The following ODAD2 variants were observed in gnomAD, a reference collection of about 807,000 sequenced individuals.
The protein encoded by ODAD2 is outer dynein arm docking complex subunit 2.
In ODAD2, 89 loss-of-function variants were observed where a neutral mutation model predicts 106.8. The ratio of observed to expected loss-of-function variants is 0.83; its 90% CI spans 0.70 to 0.99. The LOEUF is 0.99. ODAD2 is among the 50% of genes least tolerant of loss of function. The pLI is 0.00. For missense variants in ODAD2, 1,168 were observed against 1,238.5 expected (o/e 0.94, Z 0.85); for synonymous variants, 404 against 436.2 (o/e 0.93, Z 0.92).
intron 19 of ODAD2, among the ~76,000 whole-genome samples, chr10:27,818,594 C>T (rs1221056247): frequency 1.3e-5 from 2 of 152,152 alleles, no homozygotes; most frequent in Non-Finnish European, 2.9e-5. Context: ...GCTTGATTTC[C>T]ATACGCAAAT....
At chr10:27,882,017 A>C (rs1841741120) in intron 17 of ODAD2, among the ~76,000 whole-genome samples, 1 of 151,672 alleles carries the variant, frequency 6.6e-6, no homozygotes, top group African/African-American at 2.4e-5. Context: ...AGTACAAAAA[A>C]CACTAGCTGG....
chr10:27,849,420 A>G, intron 19 of ODAD2, among the ~76,000 whole-genome samples: 1 of 147,978 alleles, frequency 6.8e-6, no homozygotes. Flanking sequence ...GAGGAGGGGG[A>G]GGGATAGCAT....
chr10:27,834,553 G>T (rs1041784147), intron 19 of ODAD2, among the ~76,000 whole-genome samples: 2 of 152,114 alleles, frequency 1.3e-5, no homozygotes, highest in Non-Finnish European at 2.9e-5. Context: ...GAAGGTTGGT[G>T]GACATCCAGG....
intron 16 of ODAD2, among the ~76,000 whole-genome samples, chr10:27,916,023 A>G (rs557086320): frequency 1.3e-5 from 2 of 152,260 alleles, no homozygotes; most frequent in Admixed American, 1.3e-4. Context: ...AACAGTCACA[A>G]GATATTAGAA....
chr10:27,936,611 A>G, intron 15 of ODAD2, 115 bp downstream of exon 15: 5 of 1,196,030 alleles, frequency 4.2e-6, no homozygotes, highest in East Asian at 2.4e-5. Context: ...CTTCATCCAG[A>G]ATGTACATCT....
At chr10:27,830,973 T>C (rs533480013) in intron 19 of ODAD2, among the ~76,000 whole-genome samples, 2 of 152,338 alleles carry the variant, frequency 1.3e-5, no homozygotes, top group South Asian at 4.1e-4. Context: ...TTTTCCTTTG[T>C]TCTATCAGGT....
chr10:27,919,788 A>T (rs1028882325), intron 16 of ODAD2, among the ~76,000 whole-genome samples: 1 of 152,154 alleles, frequency 6.6e-6, no homozygotes. Flanking sequence ...TGCAATACTA[A>T]TCTATAGTAA....
At chr10:27,937,332 CTTTTTTCTTTTT>C (rs1315014480) in intron 14 of ODAD2, among the ~76,000 whole-genome samples, 1 of 141,124 alleles carries the variant, frequency 7.1e-6, no homozygotes, top group African/African-American at 2.8e-5. Flanking sequence ...TTCTTTCTTT[CTTTTTTCTTTTT>C]TTTTTTTTTT....
intron 17 of ODAD2, among the ~76,000 whole-genome samples, chr10:27,869,391 G>A (rs1005560948): frequency 1.3e-5 from 2 of 151,500 alleles, no homozygotes; most frequent in Admixed American, 6.6e-5. Context: ...TAAAACCTGA[G>A]AGTATACTGA....
intron 3 of ODAD2, among the ~76,000 whole-genome samples, chr10:27,986,944 A>G (rs1022429005): frequency 7.9e-5 from 12 of 152,246 alleles, no homozygotes; most frequent in Non-Finnish European, 1.5e-5. Context: ...CTGCTAAAGA[A>G]AGAGCCTACA....
At chr10:27,839,228 G>C (rs898086983) in intron 19 of ODAD2, among the ~76,000 whole-genome samples, 3 of 152,136 alleles carry the variant, frequency 2.0e-5, no homozygotes, top group Non-Finnish European at 2.9e-5. Flanking sequence ...TGAGCTGGCA[G>C]TGATTCTATA....
intron 9 of ODAD2, among the ~76,000 whole-genome samples, chr10:27,962,275 T>C (rs771932492): frequency 9.9e-5 from 15 of 152,260 alleles, no homozygotes; most frequent in Admixed American, 2.0e-4. Context: ...TATTTGAACT[T>C]ATTTATTTAA....
chr10:27,921,610 A>T (rs552506781), intron 16 of ODAD2, among the ~76,000 whole-genome samples: 40 of 151,682 alleles, frequency 2.6e-4, no homozygotes, highest in Middle Eastern at 3.4e-3. Flanking sequence ...ATTTTTTTTT[A>T]AAAAAAGGAG....
In ODAD2 at chr10:27,985,220, A is replaced by T. The variant is rs1193786815; in HGVS notation, c.383-9T>A. 4 of 1,477,014 alleles carry T rather than the reference A, an allele frequency of 2.7e-6. No homozygotes were observed. In the Admixed American group the frequency reaches 1.0e-4, roughly 37 times the overall value. The allele number at this position is 1,477,014 out of a possible 1,614,324, so 91.5% of individuals were successfully genotyped here. ...TATGGGGTCTCTGTTAGCTGCCAAA[A>T]AAAAAAAAAAGGAGACAAATAAAAA... On this transcript the variant is annotated splice_polypyrimidine_tract_variant and intron_variant, in intron 3 of 19. Transcript: ENST00000305242.
At chr10:27,936,581 G>C (rs943204460) in intron 15 of ODAD2, 145 bp downstream of exon 15, 1 of 948,714 alleles carries the variant, frequency 1.1e-6, no homozygotes, top group Non-Finnish European at 1.6e-6. Context: ...TCTATTCTAA[G>C]AATCCCTTCA....
At chr10:27,975,097 G>C (rs1849108862) in intron 7 of ODAD2, among the ~76,000 whole-genome samples, 1 of 152,114 alleles carries the variant, frequency 6.6e-6, no homozygotes, top group South Asian at 2.1e-4. Flanking sequence ...CATTGATTTT[G>C]TATCCTGAAA....
intron 2 of ODAD2, among the ~76,000 whole-genome samples, chr10:27,992,682 C>T (rs1265631002): frequency 6.6e-6 from 1 of 152,078 alleles, no homozygotes; most frequent in African/African-American, 2.4e-5. Context: ...GAGCCAGACC[C>T]TGTCTTAAAT....
intron 16 of ODAD2, among the ~76,000 whole-genome samples, chr10:27,932,313 A>T (rs1845672228): frequency 6.6e-6 from 1 of 152,160 alleles, no homozygotes; most frequent in African/African-American, 2.4e-5. Flanking sequence ...GTTATTGAAT[A>T]CTGTACTGAA....
chr10:27,931,713 A>G (rs1386937832), intron 16 of ODAD2, among the ~76,000 whole-genome samples: 1 of 149,952 alleles, frequency 6.7e-6, no homozygotes, highest in Non-Finnish European at 1.5e-5. Context: ...TCATTTCAAA[A>G]AGTAATGCAA....
Sources: gnomAD v4.1 joint callset for allele counts (sites outside exome capture counted in the v4.1 genomes callset) on GRCh38, gnomAD v4.1.1 for gene constraint, MANE v1.5 for transcripts, NCBI Gene and HGNC (gene_info 2026-07-23, HGNC 2026-07-21) for gene names.